The following EPB41L3 variants were observed in gnomAD, a reference collection of about 807,000 sequenced individuals.
EPB41L3 encodes band 4.1-like protein 3.
A neutral mutation model predicts 127.1 loss-of-function variants in EPB41L3; 57 were observed. The observed-to-expected ratio is 0.45, with a 90% CI of 0.36 to 0.56. The LOEUF (loss-of-function observed/expected upper bound fraction) is 0.56, where lower values mean the gene tolerates loss of function less well. EPB41L3 is among the 20% of genes least tolerant of loss of function. The probability of loss-of-function intolerance (pLI) is 0.00; values close to 1 mark genes in which losing one functional copy is unlikely to be tolerated. For synonymous variants in EPB41L3, 572 were observed against 549.5 expected (o/e 1.04, Z -0.57); for missense variants, 1,273 against 1,372.2 (o/e 0.93, Z 1.14).
At chr18:5,522,690 A>G (rs932588934) in intron 1 of EPB41L3, among the ~76,000 whole-genome samples, 1 of 152,212 alleles carries the variant, frequency 6.6e-6, no homozygotes, top group Non-Finnish European at 1.5e-5. Flanking sequence ...GTCTACATTT[A>G]AGGAGTTGAA....
At chr18:5,620,767 T>G (rs1164235637) in intron 1 of EPB41L3, among the ~76,000 whole-genome samples, 1 of 151,876 alleles carries the variant, frequency 6.6e-6, no homozygotes, top group Non-Finnish European at 1.5e-5. Flanking sequence ...AAGTAAGGAG[T>G]CTTTTGGGAA....
chr18:5,552,624 C>T (rs1375073579), intron 3 of EPB41L3, among the ~76,000 whole-genome samples: 1 of 152,150 alleles, frequency 6.6e-6, no homozygotes, highest in East Asian at 1.9e-4. Context: ...TGGTACATCA[C>T]GATGCCTGGC....
At chr18:5,470,825 A>G (rs1179976492) in intron 3 of EPB41L3, among the ~76,000 whole-genome samples, 1 of 152,224 alleles carries the variant, frequency 6.6e-6, no homozygotes, top group Non-Finnish European at 1.5e-5. Flanking sequence ...GGTAGCAGAC[A>G]GTCCTGTACT....
intron 14 of EPB41L3, among the ~76,000 whole-genome samples, chr18:5,408,697 T>C (rs1044740663): frequency 1.3e-5 from 2 of 152,146 alleles, no homozygotes; most frequent in Non-Finnish European, 2.9e-5. Flanking sequence ...CAGCATGATT[T>C]CTTTTAAAGG....
intron 3 of EPB41L3, among the ~76,000 whole-genome samples, chr18:5,454,216 T>G (rs910020076): frequency 1.8e-4 from 27 of 151,214 alleles, no homozygotes; most frequent in South Asian, 1.7e-3. Flanking sequence ...CTTGTTTTTT[T>G]TTTTTTTTTT....
At chr18:5,601,258 G>A (rs911301227) in intron 3 of EPB41L3, among the ~76,000 whole-genome samples, 1 of 152,122 alleles carries the variant, frequency 6.6e-6, no homozygotes, top group Non-Finnish European at 1.5e-5. Context: ...ACTAGAGAAG[G>A]AGATAAGGCT....
rs185964827 is a variant in EPB41L3 at position 5,403,220 on chromosome 18, T to G, written c.2349+3557A>C. On this transcript the variant is annotated intron_variant, in intron 16 of 22. Coordinates refer to ENST00000341928, the MANE Select transcript of EPB41L3 (RefSeq NM_012307.5). Reference sequence around the variant, plus strand: ...CTTCCTATGTTTGGTGGGCCCTGTGTGTGGGTTTATTTGCCTATTTTCTAA... The same window carrying G: ...CTTCCTATGTTTGGTGGGCCCTGTGGGTGGGTTTATTTGCCTATTTTCTAA... 2.1e-3 allele frequency among the ~76,000 whole-genome samples: 315 copies of G among 152,256 alleles called. 3 individuals are homozygous for G. The highest frequency in any genetic ancestry group is 7.1e-3 in the African/African-American group (295 of 41,560).
chr18:5,595,487 C>T (rs1212848932), intron 3 of EPB41L3, among the ~76,000 whole-genome samples: 7 of 152,144 alleles, frequency 4.6e-5, no homozygotes, highest in African/African-American at 1.7e-4. Flanking sequence ...CCTGTACCTC[C>T]TCTCCACCTT....
At chr18:5,498,844 C>T (rs1473276677) in intron 1 of EPB41L3, among the ~76,000 whole-genome samples, 1 of 152,130 alleles carries the variant, frequency 6.6e-6, no homozygotes, top group Non-Finnish European at 1.5e-5. Flanking sequence ...CCGTAAATCA[C>T]CCTTTGTGAA....
intron 1 of EPB41L3, among the ~76,000 whole-genome samples, chr18:5,499,362 A>C (rs1228865897): frequency 6.6e-6 from 1 of 152,194 alleles, no homozygotes; most frequent in Non-Finnish European, 1.5e-5. Flanking sequence ...CAATTTATCA[A>C]AGGTATTGCT....
Position 5,478,395 on chromosome 18 carries a change from T to A in EPB41L3, c.227A>T (p.Gln76Leu). 1.2e-6 allele frequency: 2 copies of A among 1,614,214 alleles called. No individual in the cohort carries two copies. Among genetic ancestry groups the A allele is most frequent in the Non-Finnish European group, 1.7e-6 (2 of 1,180,034 alleles). The change falls in exon 3 of 23, where the codon CAG (glutamine) becomes CTG (leucine). Residue 76 changes from glutamine to leucine, a missense_variant. This residue lies in a region of EPB41L3 where 182 missense variants were observed against 149.2 expected (regional missense o/e 1.22). Transcript: ENST00000341928. ...EQEFAARAAK[Q>L]LEYQQLEDDK... ...GTCTTCTAATTGCTGATATTCGAGC[T>A]GTTTTGCAGCCCTGGCAGCAAACTC...
chr18:5,540,498 C>T (rs142908941), intron 1 of EPB41L3: 34 of 985,476 alleles, frequency 3.5e-5, no homozygotes, highest in Non-Finnish European at 4.0e-5. Flanking sequence ...AATGACTTCA[C>T]TGCTCCAGTC....
At chr18:5,423,275 A>T in intron 11 of EPB41L3, 103 bp downstream of exon 11, 3 of 1,206,760 alleles carry the variant, frequency 2.5e-6, no homozygotes, top group Non-Finnish European at 3.3e-6. Context: ...GCTTTTCAAC[A>T]TACAATATCC....
chr18:5,570,967 A>T (rs2094272261), intron 3 of EPB41L3: 1 of 152,210 alleles, frequency 6.6e-6, no homozygotes, highest in African/African-American at 2.4e-5. Context: ...TTTTTTTCTT[A>T]TCAAATGCCA....
intron 16 of EPB41L3, chr18:5,398,901 G>A (rs1206654513): frequency 2.5e-6 from 1 of 399,036 alleles, no homozygotes; most frequent in African/African-American, 2.1e-5. Flanking sequence ...CTGCCGGCGA[G>A]ACTCGGCCTC....
chr18:5,499,829 G>GTATATATATATATATATATA (rs35194563), intron 1 of EPB41L3, among the ~76,000 whole-genome samples: 25 of 124,650 alleles, frequency 2.0e-4, no homozygotes, highest in African/African-American at 7.5e-4. Flanking sequence ...CTATGTGTGT[G>GTATATATATATATATATATA]TATATATATA....
At chr18:5,616,234 C>G (rs997428148) in intron 1 of EPB41L3, among the ~76,000 whole-genome samples, 1 of 152,046 alleles carries the variant, frequency 6.6e-6, no homozygotes, top group Non-Finnish European at 1.5e-5. Flanking sequence ...ACGTGTATGC[C>G]TGCTGCACTC....
intron 16 of EPB41L3, among the ~76,000 whole-genome samples, chr18:5,405,115 T>C (rs921271069): frequency 2.6e-5 from 4 of 152,206 alleles, no homozygotes; most frequent in Non-Finnish European, 5.9e-5. Flanking sequence ...TTTGGGATTG[T>C]CATGAACATA....
intron 4 of EPB41L3, among the ~76,000 whole-genome samples, chr18:5,444,466 T>C (rs545730571): frequency 6.6e-6 from 1 of 152,288 alleles, no homozygotes; most frequent in South Asian, 2.1e-4. Context: ...ATGAGCAAAA[T>C]TTCTGACTCA....
Sources: allele counts gnomAD v4.1 joint callset (sites outside exome capture counted in the v4.1 genomes callset), GRCh38; gene constraint gnomAD v4.1.1; regional missense constraint gnomAD v4.1.1; transcripts MANE v1.5; gene names NCBI Gene and HGNC (gene_info 2026-07-23, HGNC 2026-07-21).